The following CCDC144A variants were observed in gnomAD, a reference collection of about 807,000 sequenced individuals.
CCDC144A encodes the protein coiled-coil domain-containing protein 144A.
Under a neutral mutation model 143.8 loss-of-function variants are expected in CCDC144A, and 41 were observed. The observed-to-expected ratio is 0.29, with a 90% CI of 0.22 to 0.37. CCDC144A has a LOEUF of 0.37. CCDC144A is among the 10% of genes least tolerant of loss of function. The pLI is 1.00. For synonymous variants in CCDC144A, 242 were observed against 517.9 expected, an observed-to-expected ratio of 0.47 and a Z score of 7.23; for missense variants, 637 against 1,488.8, an observed-to-expected ratio of 0.43 and a Z score of 9.41.
Position 16,709,491 on chromosome 17 carries a change from T to G in CCDC144A, c.1434T>G (p.Ser478=), listed in dbSNP as rs368571934. 4.7e-5 allele frequency: 75 copies of G among 1,611,452 alleles called. No homozygotes were observed. In the Middle Eastern group the frequency reaches 9.0e-4, roughly 19 times the overall value. Residue 478 remains serine, a synonymous_variant, in exon 5 of 17, where the codon TCT becomes TCG. Transcript: ENST00000399273. ...SLKPKLENLS[S]LPPDSDRTSE... ...AACCTAAATTAGAAAATCTGAGTTC[T>G]TTACCACCAGATTCTGACAGAACAT...
intron 11 of CCDC144A, among the ~76,000 whole-genome samples, chr17:16,733,172 G>A (rs1597568272): frequency 6.6e-6 from 1 of 150,956 alleles, no homozygotes; most frequent in East Asian, 1.9e-4. Flanking sequence ...TCAGTGCAAA[G>A]AGCTTTGAAA....
intron 12 of CCDC144A, among the ~76,000 whole-genome samples, chr17:16,748,967 C>G (rs989261016): frequency 2.1e-5 from 3 of 142,260 alleles, no homozygotes; most frequent in Admixed American, 1.4e-4. Flanking sequence ...TTTAGATGTT[C>G]TCTGTTATTT....
chr17:16,679,184 G>T, the CCDC144A span, among the ~76,000 whole-genome samples: 1 of 151,788 alleles, frequency 6.6e-6, no homozygotes. Context: ...ATCAATGTTT[G>T]TGTTATCCTA....
Position 16,709,329 on chromosome 17 carries a change from T to C in CCDC144A, c.1272T>C (p.Asp424=), listed in dbSNP as rs757658955. The C allele has an allele frequency of 1.9e-6, 3 of 1,611,638 alleles. No homozygotes were observed. Among genetic ancestry groups the C allele is most frequent in the Non-Finnish European group, 2.5e-6 (3 of 1,179,616 alleles). ...IFSTDKNFHN[D]ASTKKARNPE... ...GTACAGATAAGAACTTTCATAATGA[T>C]GCAAGCACTAAGAAAGCAAGGAACC... The change falls in exon 5 of 17, where the codon GAT becomes GAC. Residue 424 remains aspartate (D), a synonymous_variant. Coordinates refer to ENST00000399273, the MANE Select transcript of CCDC144A (RefSeq NM_001382000.1).
At chr17:16,725,894 T>C (rs575566522) in intron 8 of CCDC144A, among the ~76,000 whole-genome samples, 4 of 151,496 alleles carry the variant, frequency 2.6e-5, no homozygotes, top group Admixed American at 2.6e-4. Flanking sequence ...GCCATTCTTT[T>C]TTTATTTTTC....
chr17:16,751,395 A>C (rs1597583171), intron 12 of CCDC144A, among the ~76,000 whole-genome samples: 1 of 152,140 alleles, frequency 6.6e-6, no homozygotes, highest in East Asian at 1.9e-4. Context: ...GGTGTAATTC[A>C]GTCTGCAATC....
At chr17:16,674,993 G>C in the CCDC144A span, among the ~76,000 whole-genome samples, 1 of 150,916 alleles carries the variant, frequency 6.6e-6, no homozygotes, top group Non-Finnish European at 1.5e-5. Flanking sequence ...TTTAGGCCGG[G>C]CGTGGTGGCT....
the CCDC144A span, among the ~76,000 whole-genome samples, chr17:16,680,581 AAGAG>A: frequency 2.0e-5 from 3 of 149,384 alleles, no homozygotes; most frequent in African/African-American, 4.9e-5. Flanking sequence ...GAAAGAGAGA[AAGAG>A]AGAGAGAGAA....
Position 16,729,991 on chromosome 17 carries a change from T to TAC in CCDC144A, c.2106-1803_2106-1802dup, listed in dbSNP as rs1555533309. Among the ~76,000 whole-genome samples, 206 of 114,844 alleles carry TAC rather than the reference T, an allele frequency of 1.8e-3. 8 individuals carry two copies. Among genetic ancestry groups the TAC allele is most frequent in the Middle Eastern group, 4.7e-3 (1 of 212 alleles). The allele number at this position is 114,844 out of a possible 152,430, so 75.3% of individuals were successfully genotyped here. On this transcript the variant is annotated intron_variant, in intron 9 of 16. Coordinates refer to ENST00000399273, the MANE Select transcript of CCDC144A (RefSeq NM_001382000.1). ...ATATATATATATATATATATATATATACACACATACATTTTTTGTTTTTTT... is the reference window on the plus strand; with the variant it reads ...ATATATATATATATATATATATATATACACACACATACATTTTTTGTTTTTTT...
chr17:16,746,874 C>T (rs1914557013), intron 12 of CCDC144A: 1 of 682,762 alleles, frequency 1.5e-6, no homozygotes, highest in Non-Finnish European at 2.6e-6. Flanking sequence ...TCTCCCTTCT[C>T]TCCCTTCTCT....
chr17:16,746,450 G>T (rs1914524054), intron 12 of CCDC144A: 9 of 1,611,910 alleles, frequency 5.6e-6, no homozygotes, highest in Admixed American at 1.7e-5. Flanking sequence ...GAGCTCTCTT[G>T]TCTTCGCCTC....
At chr17:16,761,108 A>C (rs1481274742) in intron 12 of CCDC144A, among the ~76,000 whole-genome samples, 4 of 151,502 alleles carry the variant, frequency 2.6e-5, no homozygotes, top group Non-Finnish European at 5.9e-5. Context: ...CGAGTGGATC[A>C]TGAGGTCAGG....
At position 16,776,634 on chromosome 17, in the gene CCDC144A, T is replaced by G. The variant is rs1426894892; in HGVS notation, c.*3001T>G. 6.6e-6 allele frequency: 1 copy of G among 152,144 alleles called. No homozygotes were observed. The highest frequency in any genetic ancestry group is 1.5e-5 in the Non-Finnish European group (1 of 68,042). The allele number at this position is 152,144 out of a possible 1,614,324, so 9.4% of individuals were successfully genotyped here. On this transcript the variant is annotated 3_prime_UTR_variant, in exon 17 of 17. Transcript: ENST00000399273. ...ATGGAGTTTTCTAGATATAGGATCATATCATCTGCAAACAAAGATAGTTTG... is the reference window on the plus strand; with the variant it reads ...ATGGAGTTTTCTAGATATAGGATCAGATCATCTGCAAACAAAGATAGTTTG...
chr17:16,739,666 CATTT>C (rs1914172960), intron 12 of CCDC144A, among the ~76,000 whole-genome samples: 1 of 151,542 alleles, frequency 6.6e-6, no homozygotes, highest in Non-Finnish European at 1.5e-5. Flanking sequence ...AAAATCTATT[CATTT>C]CTCATTTAAT....
upstream of CCDC144A, among the ~76,000 whole-genome samples, chr17:16,687,707 C>T (rs1288280559): frequency 6.6e-6 from 1 of 152,196 alleles, no homozygotes; most frequent in Non-Finnish European, 1.5e-5. Context: ...CAATAGTTCT[C>T]ATTCTTCCAA....
chr17:16,669,001 A>G, the CCDC144A span, among the ~76,000 whole-genome samples: 1 of 152,252 alleles, frequency 6.6e-6, no homozygotes, highest in Non-Finnish European at 1.5e-5. Context: ...TGTTCATGCC[A>G]TAACACACAC....
intron 5 of CCDC144A, 67 bp from the exon 6 acceptor site, chr17:16,711,612 C>T (rs1912449286): frequency 6.2e-7 from 1 of 1,607,284 alleles, no homozygotes; most frequent in Non-Finnish European, 8.5e-7. Context: ...TCAATGCAAA[C>T]AGAAAAAAGT....
intron 15 of CCDC144A, among the ~76,000 whole-genome samples, chr17:16,766,644 G>T (rs1263121159): frequency 2.0e-5 from 3 of 152,212 alleles, no homozygotes; most frequent in Non-Finnish European, 4.4e-5. Context: ...GGAGGCTGAG[G>T]CAGGAGAATT....
intron 9 of CCDC144A, chr17:16,731,199 T>C (rs1203337605): frequency 6.6e-6 from 1 of 152,104 alleles, no homozygotes; most frequent in Non-Finnish European, 1.5e-5. Context: ...ATCAAGAAGA[T>C]AAGTTGAAAG....
Sources: allele counts gnomAD v4.1 joint callset (sites outside exome capture counted in the v4.1 genomes callset), GRCh38; gene constraint gnomAD v4.1.1; transcripts MANE v1.5; gene names NCBI Gene and HGNC (gene_info 2026-07-23, HGNC 2026-07-21).